PIK3C2B: variants seen among roughly 807,000 people sequenced by gnomAD.
PIK3C2B encodes phosphatidylinositol 4-phosphate 3-kinase C2 domain-containing subunit beta.
In PIK3C2B, 83 loss-of-function variants were observed where a neutral mutation model predicts 184.3. The observed-to-expected ratio is 0.45, with a 90% CI of 0.38 to 0.54. PIK3C2B has a LOEUF of 0.54. PIK3C2B is among the 20% of genes least tolerant of loss of function. The probability of loss-of-function intolerance (pLI) is 0.00; values close to 1 mark genes in which losing one functional copy is unlikely to be tolerated. For missense variants in PIK3C2B, 1,736 were observed against 2,113.5 expected (o/e 0.82, Z 3.50); for synonymous variants, 779 against 837.6 (o/e 0.93, Z 1.21).
intron 12 of PIK3C2B, among the ~76,000 whole-genome samples, chr1:204,452,647 T>C (rs1654473064): frequency 7.9e-6 from 1 of 126,334 alleles, no homozygotes; most frequent in South Asian, 2.9e-4. Context: ...GCACACCCCA[T>C]GTCCTTTTTT....
chr1:204,455,482 G>A (rs1654769608), intron 11 of PIK3C2B, among the ~76,000 whole-genome samples: 1 of 152,054 alleles, frequency 6.6e-6, no homozygotes, highest in Admixed American at 6.6e-5. Context: ...CAGACAAAGG[G>A]TCAATCCCAC....
At chr1:204,456,263 A>C in intron 10 of PIK3C2B, 1 of 425,300 alleles carries the variant, frequency 2.4e-6, no homozygotes, top group Non-Finnish European at 4.1e-6. Context: ...CAGTTATACA[A>C]TGTTAAACAT....
chr1:204,483,797 A>G (rs996755561), intron 1 of PIK3C2B, among the ~76,000 whole-genome samples: 4 of 152,218 alleles, frequency 2.6e-5, no homozygotes, highest in Admixed American at 2.0e-4. Context: ...CACTAAGCAA[A>G]GGGTGAACCA....
Position 204,468,944 on chromosome 1 carries a change from G to C in PIK3C2B, c.859C>G (p.Arg287Gly), listed in dbSNP as rs115574296. The change falls in exon 2 of 33, where the codon CGC becomes GGC. Residue 287 changes from arginine (R) to glycine (G), a missense_variant. By Grantham distance (125) the Arg-to-Gly change is moderately radical. Transcript: ENST00000684373. ...TTGCCATAGCGGGAGGCATAGGTGC[G>C]GGGGGGCACCTGAGGGGGCATAGTC... is the stretch of plus-strand genomic sequence containing the variant. ...SKTMPPQVPPRTYASRYGNRK... is the reference protein window; with the variant it reads ...SKTMPPQVPPGTYASRYGNRK... 3 of 1,613,096 alleles carry C rather than the reference G, an allele frequency of 1.9e-6. No homozygotes were observed. The South Asian group carries it at 3.3e-5, about 18-fold the overall frequency.
chr1:204,437,896 G>A (rs1282475289), intron 23 of PIK3C2B, among the ~76,000 whole-genome samples: 4 of 152,216 alleles, frequency 2.6e-5, no homozygotes, highest in African/African-American at 9.6e-5. Context: ...AGAACCACCT[G>A]GAGGAAGGGA....
chr1:204,457,638 G>T, intron 9 of PIK3C2B, 90 bp downstream of exon 9: 1 of 1,269,862 alleles, frequency 7.9e-7, no homozygotes, highest in Non-Finnish European at 1.1e-6. Context: ...TTTAGTGAGT[G>T]AACACCTACA....
intron 31 of PIK3C2B, among the ~76,000 whole-genome samples, chr1:204,426,698 C>G (rs1674760462): frequency 6.6e-6 from 1 of 152,174 alleles, no homozygotes; most frequent in African/African-American, 2.4e-5. Flanking sequence ...ATACCCAGAG[C>G]TAATGTATCA....
chr1:204,462,086 G>T lies in PIK3C2B; in HGVS notation c.1311-1425C>A, dbSNP rs1376012721. 2.0e-5 allele frequency among the ~76,000 whole-genome samples: 3 copies of T among 152,252 alleles called. No individual in the cohort carries two copies. In the South Asian group the frequency reaches 6.2e-4, roughly 32 times the overall value. ...TCCTAGGCCAGGAGTCATGCACACA[G>T]GTCCCCTGGGGACTTGCTTGATCTT... On this transcript the variant is annotated intron_variant, in intron 5 of 32. Coordinates refer to ENST00000684373, the MANE Select transcript of PIK3C2B (RefSeq NM_001377334.1).
Position 204,464,603 on chromosome 1 carries a change from G to A in PIK3C2B, c.1036C>T (p.Leu346Phe), listed in dbSNP as rs1193571924. The A allele has an allele frequency of 6.2e-7, 1 of 1,613,452 alleles. No homozygotes were observed. Among genetic ancestry groups the A allele is most frequent in the South Asian group, 1.1e-5 (1 of 91,004 alleles). Residue 346 changes from leucine to phenylalanine, a missense_variant and splice_region_variant, in exon 4 of 33, where the codon CTT (leucine) becomes TTT (phenylalanine). Coordinates refer to ENST00000684373, the MANE Select transcript of PIK3C2B (RefSeq NM_001377334.1). Reference sequence around the variant, plus strand: ...TCTTGGATGTCAGAGCCAGATCGAAGGCTGTACAGGAAGAAAAAAAACCCT... The same window carrying A: ...TCTTGGATGTCAGAGCCAGATCGAAAGCTGTACAGGAAGAAAAAAAACCCT... The part of the protein sequence containing the change: ...VAAFCHMLDI[L>F]RSGSDIQDYF...
chr1:204,475,486 G>T (rs1656640582), intron 1 of PIK3C2B, among the ~76,000 whole-genome samples: 1 of 152,168 alleles, frequency 6.6e-6, no homozygotes, highest in Non-Finnish European at 1.5e-5. Flanking sequence ...CCTTCTGGGA[G>T]GTGGGGAATT....
chr1:204,449,801 C>T, intron 13 of PIK3C2B, 49 bp downstream of exon 13: 1 of 1,510,460 alleles, frequency 6.6e-7, no homozygotes, highest in Non-Finnish European at 8.9e-7. Context: ...TTCTCTGTCC[C>T]CCTCCTCCCC....
At chr1:204,477,560 A>G (rs1980050) in intron 1 of PIK3C2B, among the ~76,000 whole-genome samples, 133,245 of 152,146 alleles carry the variant, frequency 0.88, 59,999 homozygotes, top group Non-Finnish European at 0.99. Context: ...GAGTCAAAGG[A>G]TGGAAAGAAA....
In PIK3C2B at chr1:204,464,460, G is replaced by A; in HGVS notation, c.1179C>T (p.Phe393=). 3 of 1,613,656 alleles carry A rather than the reference G, an allele frequency of 1.9e-6. No individual in the cohort carries two copies. The highest frequency in any genetic ancestry group is 2.5e-6 in the Non-Finnish European group (3 of 1,179,782). The change falls in exon 4 of 33, where the codon TTC becomes TTT. Residue 393 remains phenylalanine (F), a synonymous_variant. Transcript: ENST00000684373. ...CCCTCACTAACTTACAGTTGCAGGT[G>A]AAAGTGAGTGCCTCTTGAAGCCTGT... ...LCDRLQEALT[F]TCNCSSTVDL...
chr1:204,441,666 C>T (rs567645137), intron 20 of PIK3C2B, 103 bp from the exon 21 acceptor site: 87 of 676,520 alleles, frequency 1.3e-4, no homozygotes, highest in East Asian at 8.1e-5. Context: ...CCGCTGCTGC[C>T]GGTCCACCCA....
intron 1 of PIK3C2B, among the ~76,000 whole-genome samples, chr1:204,476,350 T>C (rs527872456): frequency 2.0e-5 from 3 of 151,866 alleles, no homozygotes; most frequent in South Asian, 2.1e-4. Context: ...GGCGGGGGGA[T>C]TGCTTGAGCC....
chr1:204,429,743 G>A (rs1321739060), intron 29 of PIK3C2B, among the ~76,000 whole-genome samples, 178 bp downstream of exon 29: 1 of 152,132 alleles, frequency 6.6e-6, no homozygotes, highest in Non-Finnish European at 1.5e-5. Context: ...ATAACCCTGT[G>A]AGGCTGGACC....
intron 16 of PIK3C2B, among the ~76,000 whole-genome samples, chr1:204,444,740 T>C (rs888344822): frequency 2.6e-5 from 4 of 152,248 alleles, no homozygotes; most frequent in African/African-American, 9.6e-5. Context: ...TGACTCCCAC[T>C]GTGCCAGAAA....
chr1:204,467,833 CAAAA>C lies in PIK3C2B; in HGVS notation c.933+1033_933+1036del, dbSNP rs545904416. 7.9e-5 allele frequency among the ~76,000 whole-genome samples: 7 copies of C among 88,564 alleles called. 1 individual carries two copies. Among genetic ancestry groups the C allele is most frequent in the African/African-American group, 1.6e-4 (4 of 24,280 alleles). 58.1% of individuals were successfully genotyped at this position (88,564 alleles called of 152,430 possible). A position where few individuals can be genotyped will look rare whatever the true frequency, so the allele number is the denominator to read the frequency against. On this transcript the variant is annotated intron_variant, in intron 2 of 32. Transcript: ENST00000684373. ...CTGGTGACAGAGTGAGACTCTGTCT[CAAAA>C]AAAAAAAAAAAAAGAAGGCATCAGC...
chr1:204,441,879 C>G (rs138923211), intron 20 of PIK3C2B, among the ~76,000 whole-genome samples: 1 of 152,288 alleles, frequency 6.6e-6, no homozygotes, highest in East Asian at 1.9e-4. Context: ...CAGTTTACTC[C>G]TCTGTAAAAG....
Sources: gnomAD v4.1 joint callset for allele counts (sites outside exome capture counted in the v4.1 genomes callset) on GRCh38, gnomAD v4.1.1 for gene constraint, MANE v1.5 for transcripts, NCBI Gene and HGNC (gene_info 2026-07-23, HGNC 2026-07-21) for gene names.